AGBL1: variants seen among roughly 807,000 people sequenced by gnomAD.
The protein encoded by AGBL1 is AGBL carboxypeptidase 1.
A neutral mutation model predicts 118.9 loss-of-function variants in AGBL1; 130 were observed. The observed-to-expected ratio is 1.09, with a 90% CI of 0.95 to 1.26. AGBL1 has a LOEUF of 1.26. AGBL1 is among the 50% of genes most tolerant of loss of function. AGBL1 has a pLI of 0.00. For missense variants in AGBL1, 1,584 were observed against 1,298.1 expected (o/e 1.22, Z -3.38); for synonymous variants, 555 against 478.9 (o/e 1.16, Z -2.08).
chr15:86,468,513 G>A (rs1215093473), intron 18 of AGBL1, among the ~76,000 whole-genome samples: 1 of 152,118 alleles, frequency 6.6e-6, no homozygotes, highest in Non-Finnish European at 1.5e-5. Context: ...GAGGAGCTTG[G>A]AAACACCTGT....
intron 21 of AGBL1, among the ~76,000 whole-genome samples, chr15:86,652,429 C>A (rs899698974): frequency 6.6e-6 from 1 of 152,098 alleles, no homozygotes; most frequent in Non-Finnish European, 1.5e-5. Flanking sequence ...GAAAGACTGG[C>A]TACCGGAGGT....
intron 22 of AGBL1, among the ~76,000 whole-genome samples, chr15:86,739,522 C>A (rs1376133078): frequency 1.1e-5 from 1 of 94,900 alleles, no homozygotes; most frequent in Non-Finnish European, 2.2e-5. Flanking sequence ...TTTTTTTTTT[C>A]GGGGGGAGCA....
chr15:86,701,797 T>C, intron 22 of AGBL1, among the ~76,000 whole-genome samples: 1 of 142,770 alleles, frequency 7.0e-6, no homozygotes, highest in East Asian at 2.3e-4. Context: ...CACTCCTTCC[T>C]TCCCTCCTTT....
chr15:86,397,299 T>C, intron 17 of AGBL1, 67 bp from the exon 18 acceptor site: 25 of 1,189,748 alleles, frequency 2.1e-5, no homozygotes, highest in East Asian at 5.6e-5. Context: ...AAAAGAAGTT[T>C]AGAAAACTAT....
At chr15:86,887,454 C>A (rs765137301) in intron 22 of AGBL1, among the ~76,000 whole-genome samples, 1 of 152,176 alleles carries the variant, frequency 6.6e-6, no homozygotes, top group African/African-American at 2.4e-5. Context: ...CAGTTTATAC[C>A]TGCACCTCTA....
At chr15:86,413,208 C>G (rs774996596) in intron 18 of AGBL1, among the ~76,000 whole-genome samples, 17 of 152,104 alleles carry the variant, frequency 1.1e-4, no homozygotes, top group Non-Finnish European at 2.2e-4. Flanking sequence ...AGTAAGGTAA[C>G]AGTAGGTTCT....
intron 21 of AGBL1, among the ~76,000 whole-genome samples, chr15:86,635,759 C>G (rs904871689): frequency 1.4e-4 from 21 of 152,240 alleles, no homozygotes; most frequent in African/African-American, 5.1e-4. Flanking sequence ...AAAGATATCA[C>G]CCATCACATA....
intron 17 of AGBL1, among the ~76,000 whole-genome samples, chr15:86,364,980 TATATATATAC>T (rs1449546143): frequency 1.2e-5 from 1 of 83,292 alleles, no homozygotes; most frequent in African/African-American, 4.0e-5. Context: ...TATATATATA[TATATATATAC>T]ACACACACAT....
intron 17 of AGBL1, among the ~76,000 whole-genome samples, chr15:86,352,257 A>C (rs1004462827): frequency 6.6e-6 from 1 of 152,260 alleles, no homozygotes; most frequent in South Asian, 2.1e-4. Context: ...TGAGAGATGA[A>C]CTCTGACCAA....
chr15:86,218,071 T>C (rs62013789), intron 5 of AGBL1, among the ~76,000 whole-genome samples: 3,491 of 152,314 alleles, frequency 0.023, 52 homozygotes, highest in Middle Eastern at 0.048. Flanking sequence ...TTTTCTAATA[T>C]ACCTAAGGAA....
intron 22 of AGBL1, among the ~76,000 whole-genome samples, chr15:86,689,958 C>T (rs2086133898): frequency 6.6e-6 from 1 of 152,080 alleles, no homozygotes. Flanking sequence ...GCTAAACCTG[C>T]AAAAGCTCTT....
intron 22 of AGBL1, among the ~76,000 whole-genome samples, chr15:86,773,690 A>G (rs895795760): frequency 4.9e-4 from 75 of 151,938 alleles, no homozygotes; most frequent in Non-Finnish European, 1.5e-4. Flanking sequence ...GCCTTCATGC[A>G]CTCAGTGGAA....
At chr15:86,811,386 G>T (rs1045810719) in intron 22 of AGBL1, among the ~76,000 whole-genome samples, 1 of 152,172 alleles carries the variant, frequency 6.6e-6, no homozygotes, top group East Asian at 1.9e-4. Context: ...GGAGTAGTAA[G>T]ATCTGGGTCT....
At chr15:86,996,238 G>T (rs991131563) in intron 24 of AGBL1, among the ~76,000 whole-genome samples, 5 of 152,060 alleles carry the variant, frequency 3.3e-5, no homozygotes, top group Admixed American at 3.3e-4. Context: ...TTTTTGAAGA[G>T]TATGCTTGTG....
chr15:86,667,370 T>C (rs2085666095), intron 21 of AGBL1, among the ~76,000 whole-genome samples: 1 of 152,058 alleles, frequency 6.6e-6, no homozygotes, highest in South Asian at 2.1e-4. Context: ...AAATAAATTA[T>C]GAAACTTTTT....
At chr15:86,580,695 A>AT (rs962428783) in intron 21 of AGBL1, among the ~76,000 whole-genome samples, 2 of 152,088 alleles carry the variant, frequency 1.3e-5, no homozygotes, top group Admixed American at 6.6e-5. Flanking sequence ...AACATTTATC[A>AT]TTTTTTTGTT....
chr15:86,696,184 A>T (rs1020642005), intron 22 of AGBL1, among the ~76,000 whole-genome samples: 1 of 151,840 alleles, frequency 6.6e-6, no homozygotes. Context: ...GGAGTATTGA[A>T]CTTCCCCACT....
chr15:86,776,257 T>A (rs1266826616), intron 22 of AGBL1, among the ~76,000 whole-genome samples: 1 of 152,174 alleles, frequency 6.6e-6, no homozygotes, highest in African/African-American at 2.4e-5. Flanking sequence ...CTTTGCCTTG[T>A]ATAAAAGTTC....
At chr15:86,753,551 C>T (rs752990212) in intron 22 of AGBL1, among the ~76,000 whole-genome samples, 3 of 151,952 alleles carry the variant, frequency 2.0e-5, no homozygotes, top group Admixed American at 6.6e-5. Flanking sequence ...ACACCCACCA[C>T]CACACCCGGC....
Sources: gnomAD v4.1 joint callset for allele counts (sites outside exome capture counted in the v4.1 genomes callset) on GRCh38, gnomAD v4.1.1 for gene constraint, MANE v1.5 for transcripts, NCBI Gene and HGNC (gene_info 2026-07-23, HGNC 2026-07-21) for gene names.